Variants in C8orf34 observed in about 807,000 individuals in gnomAD.
The protein encoded by C8orf34 is uncharacterized protein C8orf34.
A neutral mutation model predicts 68.3 loss-of-function variants in C8orf34; 65 were observed. The observed-to-expected ratio is 0.95, with a 90% CI of 0.78 to 1.17. The LOEUF (loss-of-function observed/expected upper bound fraction) is 1.17. Ranked by LOEUF, C8orf34 falls within the 50% of genes most tolerant of loss-of-function variation. The pLI is 0.00. For synonymous variants in C8orf34, 244 were observed against 241.2 expected (o/e 1.01, Z -0.11); for missense variants, 664 against 655.4 (o/e 1.01, Z -0.14).
chr8:68,460,354 T>C (rs1483395955), intron 3 of C8orf34, among the ~76,000 whole-genome samples: 2 of 152,222 alleles, frequency 1.3e-5, no homozygotes, highest in Non-Finnish European at 2.9e-5. Flanking sequence ...GCTCCACCTC[T>C]GGGGGCAGGG....
rs928483409 is a variant in C8orf34, at chr8:68,331,239, C to T, written c.227C>T (p.Pro76Leu). 37 of 1,536,164 alleles carry T rather than the reference C, an allele frequency of 2.4e-5. No individual in the cohort carries two copies. Among genetic ancestry groups the T allele is most frequent in the Admixed American group, 3.9e-5 (2 of 50,982 alleles). Reference sequence around the variant, plus strand: ...GGAGGCGCACAGCCGCGCGTTCTCCCTGCACTCTCTTCGCGGTCCCATCTG... The same window carrying T: ...GGAGGCGCACAGCCGCGCGTTCTCCTTGCACTCTCTTCGCGGTCCCATCTG... ...PSGGAQPRVL[P>L]ALSSRSHLFP... is the part of the protein sequence containing the mutation. Residue 76 changes from proline to leucine, a missense_variant, in exon 1 of 14, where the codon CCT becomes CTT. By Grantham distance (98) the Pro-to-Leu change is moderately conservative. Coordinates refer to ENST00000518698, the MANE Select transcript of C8orf34 (RefSeq NM_052958.4).
intron 3 of C8orf34, among the ~76,000 whole-genome samples, chr8:68,461,778 G>T (rs1811840447): frequency 6.6e-6 from 1 of 152,120 alleles, no homozygotes; most frequent in Non-Finnish European, 1.5e-5. Context: ...CCCTACAAGA[G>T]CTCCTGAAGG....
At chr8:68,340,222 G>A (rs181465902) in intron 1 of C8orf34, among the ~76,000 whole-genome samples, 1 of 151,982 alleles carries the variant, frequency 6.6e-6, no homozygotes, top group Non-Finnish European at 1.5e-5. Context: ...ATTTCTAGTA[G>A]CCCCAAATTG....
intron 5 of C8orf34, among the ~76,000 whole-genome samples, chr8:68,502,575 C>A (rs1813827519): frequency 1.3e-5 from 2 of 151,970 alleles, no homozygotes; most frequent in Admixed American, 6.5e-5. Context: ...GTTAGGGGAC[C>A]AAGTTCTTAT....
chr8:68,418,712 G>C (rs915984314), intron 1 of C8orf34, among the ~76,000 whole-genome samples: 3 of 151,972 alleles, frequency 2.0e-5, no homozygotes, highest in Non-Finnish European at 4.4e-5. Context: ...ACAAACCTGA[G>C]AAAAACAAGC....
chr8:68,358,979 G>A (rs368834374), intron 1 of C8orf34, among the ~76,000 whole-genome samples: 6 of 152,128 alleles, frequency 3.9e-5, no homozygotes, highest in South Asian at 4.1e-4. Context: ...GATTATAGGC[G>A]TGCACTCCCA....
intron 10 of C8orf34, among the ~76,000 whole-genome samples, chr8:68,766,113 T>G (rs1238864380): frequency 6.6e-6 from 1 of 152,198 alleles, no homozygotes; most frequent in African/African-American, 2.4e-5. Context: ...TATAGAGAAA[T>G]TCCTAGTAAT....
At chr8:68,761,853 T>A (rs1480140128) in intron 10 of C8orf34, among the ~76,000 whole-genome samples, 1 of 152,228 alleles carries the variant, frequency 6.6e-6, no homozygotes, top group Non-Finnish European at 1.5e-5. Context: ...AACACTACAG[T>A]GTGGCTGTGT....
rs1563432310 is a variant in C8orf34 at position 68,430,460 on chromosome 8, C to G, written c.328-9039C>G. On this transcript the variant is annotated intron_variant, in intron 1 of 13. Transcript: ENST00000518698. ...GATCATAGGGACTGCTTACTTATAGCCAATTGGTCAGAAATATGGGTGGCC... is the reference window on the plus strand; with the variant it reads ...GATCATAGGGACTGCTTACTTATAGGCAATTGGTCAGAAATATGGGTGGCC... Among the ~76,000 whole-genome samples the G allele has an allele frequency of 2.6e-5, 4 of 152,220 alleles. No individual in the cohort carries two copies. The South Asian group carries it at 8.3e-4, about 32-fold the overall frequency.
intron 6 of C8orf34, among the ~76,000 whole-genome samples, chr8:68,524,724 A>G (rs147795200): frequency 1.1e-4 from 16 of 152,328 alleles, no homozygotes; most frequent in Non-Finnish European, 1.9e-4. Context: ...GTTATTAAAA[A>G]TAATCCCATG....
intron 8 of C8orf34, among the ~76,000 whole-genome samples, chr8:68,688,108 T>C (rs777959229): frequency 6.6e-6 from 1 of 151,934 alleles, no homozygotes; most frequent in African/African-American, 2.4e-5. Context: ...AATGGCCATA[T>C]TTAAAAAGTC....
chr8:68,682,486 T>C (rs1424319887), intron 8 of C8orf34, among the ~76,000 whole-genome samples: 2 of 152,138 alleles, frequency 1.3e-5, no homozygotes, highest in Non-Finnish European at 2.9e-5. Context: ...TCCCTTACAT[T>C]TCTTTATAAG....
chr8:68,593,064 G>A (rs536918869), intron 7 of C8orf34, among the ~76,000 whole-genome samples: 5 of 152,164 alleles, frequency 3.3e-5, no homozygotes, highest in African/African-American at 1.2e-4. Flanking sequence ...ATCAAGACAT[G>A]AAGTCCTCAT....
intron 2 of C8orf34, among the ~76,000 whole-genome samples, chr8:68,440,485 A>G (rs1301535509): frequency 6.6e-6 from 1 of 152,134 alleles, no homozygotes; most frequent in Non-Finnish European, 1.5e-5. Flanking sequence ...TGTAGAGAGT[A>G]GGGTGTCCTC....
At chr8:68,410,711 C>A (rs545784906) in intron 1 of C8orf34, among the ~76,000 whole-genome samples, 1 of 152,178 alleles carries the variant, frequency 6.6e-6, no homozygotes, top group South Asian at 2.1e-4. Context: ...TCCAGCATTA[C>A]AATTTCTGCT....
At chr8:68,745,173 C>A (rs1231023807) in intron 10 of C8orf34, among the ~76,000 whole-genome samples, 1 of 152,106 alleles carries the variant, frequency 6.6e-6, no homozygotes, top group Admixed American at 6.5e-5. Context: ...CTTTTCCAGA[C>A]AAGCAAATGC....
chr8:68,678,169 A>C (rs1193871717), intron 8 of C8orf34, among the ~76,000 whole-genome samples: 1 of 152,068 alleles, frequency 6.6e-6, no homozygotes, highest in Non-Finnish European at 1.5e-5. Flanking sequence ...ACCTACTCAA[A>C]CTGTTCTAAA....
intron 5 of C8orf34, among the ~76,000 whole-genome samples, chr8:68,508,526 A>G (rs1326641467): frequency 1.3e-5 from 2 of 152,206 alleles, no homozygotes; most frequent in Non-Finnish European, 2.9e-5. Flanking sequence ...GGCTGAATAC[A>G]ATAAATATTT....
At chr8:68,713,447 C>G (rs904190722) in intron 9 of C8orf34, among the ~76,000 whole-genome samples, 1 of 151,824 alleles carries the variant, frequency 6.6e-6, no homozygotes, top group Non-Finnish European at 1.5e-5. Flanking sequence ...AAGATGCAAA[C>G]AAGCCAAATT....
Sources: gnomAD v4.1 joint callset for allele counts (sites outside exome capture counted in the v4.1 genomes callset) on GRCh38, gnomAD v4.1.1 for gene constraint, MANE v1.5 for transcripts, NCBI Gene and HGNC (gene_info 2026-07-23, HGNC 2026-07-21) for gene names.